Variants in GCN1 observed in about 807,000 individuals in gnomAD.
The protein encoded by GCN1 is stalled ribosome sensor GCN1.
GCN1 carries 90 observed loss-of-function variants against 288.4 expected under a neutral mutation model. The observed-to-expected ratio is 0.31, with a 90% CI of 0.26 to 0.37. GCN1 has a LOEUF of 0.37. Among genes scored for constraint, GCN1 ranks in the 10% least tolerant of loss-of-function variants. The pLI is 1.00. For synonymous variants in GCN1, 1,386 were observed against 1,420.2 expected (o/e 0.98, Z 0.54); for missense variants, 2,586 against 3,419.9 (o/e 0.76, Z 6.08).
chr12:120,142,476 G>C lies in GCN1; in HGVS notation c.5829+31C>G. 6.4e-7 allele frequency: 1 copy of C among 1,551,944 alleles called. No individual in the cohort carries two copies. Among genetic ancestry groups the C allele is most frequent in the Non-Finnish European group, 8.9e-7 (1 of 1,124,118 alleles). On this transcript the variant is annotated intron_variant, in intron 44 of 57. Transcript: ENST00000300648. The surrounding 1 kb of genome is among the most constrained non-coding windows in gnomAD (Gnocchi z 4.9). Reference sequence around the variant, plus strand: ...GGCTCTGAAAGGAGGCACTGGGGCTGCTGGTCCAAAACAAGGCCCAGGAAA... The same window carrying C: ...GGCTCTGAAAGGAGGCACTGGGGCTCCTGGTCCAAAACAAGGCCCAGGAAA...
intron 2 of GCN1, 69 bp downstream of exon 2, chr12:120,190,229 A>T: frequency 1.2e-6 from 1 of 802,604 alleles, no homozygotes. Flanking sequence ...TGTCTCAAAA[A>T]AAAAAAAAAA....
At chr12:120,152,837 C>CT (rs1238730926) in intron 33 of GCN1, among the ~76,000 whole-genome samples, 1 of 151,960 alleles carries the variant, frequency 6.6e-6, no homozygotes, top group African/African-American at 2.4e-5. Context: ...AAAGCCTGAC[C>CT]TTTTATTTTT....
intron 12 of GCN1, 36 bp downstream of exon 12, chr12:120,175,126 C>CAAAAAAAAA: frequency 4.7e-6 from 5 of 1,062,096 alleles, no homozygotes; most frequent in South Asian, 1.4e-5. Context: ...GACTTTCTCT[C>CAAAAAAAAA]AAAAAAAAAA....
Position 120,153,126 on chromosome 12 carries a change from A to T in GCN1, c.4062+87T>A. ...GGGCTTTCAGGGCCCTGATTGTCCA[A>T]CTCCACCCCTAGTATCCCACCGCCT... On this transcript the variant is annotated intron_variant, in intron 33 of 57. Coordinates refer to ENST00000300648, the MANE Select transcript of GCN1 (RefSeq NM_006836.2). This position sits in a 1 kb window ranked among gnomAD's most constrained non-coding sequence, Gnocchi z 4.4. The T allele has an allele frequency of 8.7e-7, 1 of 1,144,996 alleles. No individual in the cohort carries two copies. The highest frequency in any genetic ancestry group is 2.9e-4 in the Middle Eastern group (1 of 3,494). 70.9% of individuals were successfully genotyped at this position (1,144,996 alleles called of 1,614,324 possible).
Position 120,194,673 on chromosome 12 carries a change from G to C in GCN1, c.18+7C>G, listed in dbSNP as rs1264392687. The C allele has an allele frequency of 1.3e-6, 2 of 1,514,212 alleles. No individual in the cohort carries two copies. The highest frequency in any genetic ancestry group is 1.2e-5 in the South Asian group (1 of 82,058). The allele number at this position is 1,514,212 out of a possible 1,614,324, so 93.8% of individuals were successfully genotyped here. On this transcript the variant is annotated splice_region_variant and intron_variant, in intron 1 of 57. Transcript: ENST00000300648. ...GGCCGCGTTGGCCCCGCAGCCGCCC[G>C]CCTCACCTGCGTGTCCGCCGCCATC...
At chr12:120,150,713 A>G (rs1228355823) in intron 34 of GCN1, among the ~76,000 whole-genome samples, 1 of 152,194 alleles carries the variant, frequency 6.6e-6, no homozygotes, top group Middle Eastern at 3.4e-3. Context: ...TGAGGCGGAC[A>G]GATCACGAGG....
Position 120,144,264 on chromosome 12 carries a change from C to T in GCN1, c.5495+42G>A. The T allele has an allele frequency of 6.2e-7, 1 of 1,609,520 alleles. No individual in the cohort carries two copies. The highest frequency in any genetic ancestry group is 8.5e-7 in the Non-Finnish European group (1 of 1,175,852). On this transcript the variant is annotated intron_variant, in intron 42 of 57. Transcript: ENST00000300648. The surrounding 1 kb of genome is among the most constrained non-coding windows in gnomAD (Gnocchi z 4.7). ...GTGCTCGGATTATAGGCATGAGCCA[C>T]CACGCATCATCCCCACTGGGTCTTT...
At chr12:120,146,431 T>TC (rs1298117001) in intron 38 of GCN1, among the ~76,000 whole-genome samples, 3 of 152,054 alleles carry the variant, frequency 2.0e-5, no homozygotes, top group African/African-American at 7.2e-5. Flanking sequence ...GGCGGTATTA[T>TC]CACGGCTCAC....
chr12:120,174,586 C>T (rs767830597), intron 12 of GCN1, among the ~76,000 whole-genome samples: 2 of 150,780 alleles, frequency 1.3e-5, no homozygotes, highest in Non-Finnish European at 3.0e-5. Flanking sequence ...AGGTCAAGAT[C>T]GAGACCATCC....
chr12:120,192,732 GAAA>G (rs10555637), intron 1 of GCN1, among the ~76,000 whole-genome samples: 15 of 108,670 alleles, frequency 1.4e-4, no homozygotes, highest in East Asian at 2.3e-4. Context: ...ACTCCGTCTC[GAAA>G]AAAAAAAAAA....
At chr12:120,189,915 G>A (rs75400781) in intron 2 of GCN1, among the ~76,000 whole-genome samples, 3,787 of 152,200 alleles carry the variant, frequency 0.025, 157 homozygotes, top group African/African-American at 0.085. Flanking sequence ...GCGAGGCAGA[G>A]GTTGTAGTGA....
At chr12:120,177,647 C>G in intron 8 of GCN1, 37 bp downstream of exon 8, 1 of 1,570,306 alleles carries the variant, frequency 6.4e-7, no homozygotes. Flanking sequence ...AAAATGGGAT[C>G]AGTTGTCCAG....
intron 5 of GCN1, among the ~76,000 whole-genome samples, 178 bp from the exon 6 acceptor site, chr12:120,179,128 T>C (rs963535551): frequency 6.6e-6 from 1 of 152,246 alleles, no homozygotes; most frequent in Non-Finnish European, 1.5e-5. Flanking sequence ...TTTAGTTCTG[T>C]CCTTTAACGA....
intron 15 of GCN1, 166 bp from the exon 16 acceptor site, chr12:120,168,466 C>T: frequency 1.7e-6 from 1 of 593,846 alleles, no homozygotes; most frequent in South Asian, 1.9e-5. Flanking sequence ...CTTCTGGTAT[C>T]ACCTCCTGTA....
At chr12:120,133,016 T>C (rs1876879839) in intron 53 of GCN1, among the ~76,000 whole-genome samples, 1 of 152,234 alleles carries the variant, frequency 6.6e-6, no homozygotes, top group Non-Finnish European at 1.5e-5. Flanking sequence ...TTGCTTGCAC[T>C]GTACACATGA....
Position 120,134,359 on chromosome 12 carries a change from C to T in GCN1, c.7249G>A (p.Ala2417Thr), listed in dbSNP as rs748698841. The change falls in exon 53 of 58, where the codon GCC (alanine) becomes ACC (threonine). Residue 2417 changes from alanine (A) to threonine (T), a missense_variant. Around this residue, in one of 8 missense-constraint regions of GCN1, gnomAD observed 355 missense variants for 431.1 expected, o/e 0.82. Transcript: ENST00000300648. This position sits in a 1 kb window ranked among gnomAD's most constrained non-coding sequence, Gnocchi z 5.0. ...TTCCGGATGACGGCATCCACTTTGG[C>T]CCCTGCTCCCTGAATCACAAACCTC... ...ALRFVIQGAG[A>T]KVDAVIRKNI... is the part of the protein sequence containing the mutation. The T allele has an allele frequency of 6.2e-7, 1 of 1,614,062 alleles. No homozygotes were observed. Among genetic ancestry groups the T allele is most frequent in the Non-Finnish European group, 8.5e-7 (1 of 1,179,988 alleles).
chr12:120,160,371 G>A, intron 22 of GCN1, 116 bp from the exon 23 acceptor site: 2 of 728,838 alleles, frequency 2.7e-6, no homozygotes, highest in South Asian at 3.3e-5. Context: ...CTAAGTGTGA[G>A]TTGGGCCCCT....
intron 34 of GCN1, 37 bp from the exon 35 acceptor site, chr12:120,150,080 T>C (rs1386352921): frequency 2.4e-5 from 38 of 1,610,154 alleles, no homozygotes; most frequent in Non-Finnish European, 3.1e-5. Flanking sequence ...GGGAAGAGAA[T>C]GTCCCCTGGG....
chr12:120,137,727 G>C lies in GCN1; in HGVS notation c.6481C>G (p.Arg2161Gly). 1.2e-6 allele frequency: 2 copies of C among 1,613,970 alleles called. No individual in the cohort carries two copies. The highest frequency in any genetic ancestry group is 1.7e-6 in the Non-Finnish European group (2 of 1,179,886). ...TGCCTCATGCCCACCTCAGGGCTGC[G>C]GGTGGCCTCCAGCAGATCCTCGATG... Reference protein sequence around the residue: ...IIIEDLLEATRSPEVGMRQAA... With the variant: ...IIIEDLLEATGSPEVGMRQAA... Residue 2161 changes from arginine to glycine, a missense_variant, in exon 49 of 58, where the codon CGC becomes GGC. Coordinates refer to ENST00000300648, the MANE Select transcript of GCN1 (RefSeq NM_006836.2). This position sits in a 1 kb window ranked among gnomAD's most constrained non-coding sequence, Gnocchi z 5.2.
Sources: allele counts gnomAD v4.1 joint callset (sites outside exome capture counted in the v4.1 genomes callset), GRCh38; gene constraint gnomAD v4.1.1; regional missense constraint gnomAD v4.1.1; non-coding constraint Gnocchi (gnomAD v3.1); transcripts MANE v1.5; gene names NCBI Gene and HGNC (gene_info 2026-07-23, HGNC 2026-07-21).